The following ZNF354B variants were observed in gnomAD, a reference collection of about 807,000 sequenced individuals.
ZNF354B encodes the protein zinc finger protein 354B.
In ZNF354B, 10 loss-of-function variants were observed where a neutral mutation model predicts 12.9. That is an observed-to-expected ratio of 0.77 (90% CI 0.48 to 1.31). The LOEUF (loss-of-function observed/expected upper bound fraction) is 1.31. Among genes scored for constraint, ZNF354B ranks in the 40% most tolerant of loss-of-function variants. The pLI, the probability that ZNF354B is intolerant of heterozygous loss-of-function variation, is 0.00. For synonymous variants in ZNF354B, 260 were observed against 243.7 expected (o/e 1.07, Z -0.62); for missense variants, 614 against 711.7 (o/e 0.86, Z 1.56).
intron 3 of ZNF354B, among the ~76,000 whole-genome samples, 180 bp downstream of exon 3, chr5:178,866,550 C>G (rs941305469): frequency 1.3e-5 from 2 of 152,158 alleles, no homozygotes; most frequent in African/African-American, 4.8e-5. Context: ...TGGAATTGCT[C>G]TATGTCTTGG....
intron 4 of ZNF354B, among the ~76,000 whole-genome samples, chr5:178,880,933 C>G (rs1346618722): frequency 6.7e-6 from 1 of 148,678 alleles, no homozygotes; most frequent in Non-Finnish European, 1.5e-5. Context: ...ACCTCTGCCC[C>G]CAGGGTTCAA....
chr5:178,883,177 T>C lies in ZNF354B; in HGVS notation c.725T>C (p.Phe242Ser), dbSNP rs1292935254. Residue 242 changes from phenylalanine (F) to serine (S), a missense_variant, in exon 5 of 5, where the codon TTT becomes TCT. Phe to Ser is a radical substitution (Grantham distance 155, BLOSUM62 -2). Transcript: ENST00000322434. The stretch of plus-strand genomic sequence containing the variant: ...AAAAACCACACTGGAGAAAAATTAT[T>C]TAAATGTAAAGAATGTTTAAAAGCT... ...HQKNHTGEKLFKCKECLKAFS... is the reference protein window; with the variant it reads ...HQKNHTGEKLSKCKECLKAFS... The C allele has an allele frequency of 3.1e-6, 5 of 1,613,414 alleles. No individual in the cohort carries two copies. The highest frequency in any genetic ancestry group is 4.2e-6 in the Non-Finnish European group (5 of 1,179,878).
intron 4 of ZNF354B, among the ~76,000 whole-genome samples, chr5:178,874,874 T>A (rs979326619): frequency 1.3e-5 from 2 of 152,216 alleles, no homozygotes; most frequent in African/African-American, 4.8e-5. Context: ...TCATTAACTG[T>A]GATGTAATTT....
At chr5:178,876,895 T>G (rs1042828343) in intron 4 of ZNF354B, among the ~76,000 whole-genome samples, 2 of 151,742 alleles carry the variant, frequency 1.3e-5, no homozygotes, top group Non-Finnish European at 2.9e-5. Flanking sequence ...TTTTTTCCAT[T>G]GACTGAACCA....
At position 178,878,246 on chromosome 5, in the gene ZNF354B, A is replaced by G. The variant is rs1378014408; in HGVS notation, c.257-4463A>G. On this transcript the variant is annotated intron_variant, in intron 4 of 4. Coordinates refer to ENST00000322434, the MANE Select transcript of ZNF354B (RefSeq NM_058230.3). ...AAAATACAAAAAATTAGCCAGGCGTAGTGGCGGGCGCCTGTAGTCTCAGCT... is the reference window on the plus strand; with the variant it reads ...AAAATACAAAAAATTAGCCAGGCGTGGTGGCGGGCGCCTGTAGTCTCAGCT... Among the ~76,000 whole-genome samples, 3 of 151,894 alleles carry G rather than the reference A, an allele frequency of 2.0e-5. No homozygotes were observed. In the East Asian group the frequency reaches 5.8e-4, roughly 29 times the overall value.
chr5:178,871,331 T>C (rs560652832), intron 4 of ZNF354B, among the ~76,000 whole-genome samples: 15 of 152,188 alleles, frequency 9.9e-5, no homozygotes, highest in Non-Finnish European at 1.6e-4. Flanking sequence ...CCTGCTTTTT[T>C]CTGTCTGGGA....
intron 2 of ZNF354B, among the ~76,000 whole-genome samples, chr5:178,864,964 A>C (rs116101524): frequency 0.15 from 22,508 of 152,042 alleles, 2,025 homozygotes; most frequent in African/African-American, 0.25. Context: ...AAACAGTGAT[A>C]TATAACCTGC....
chr5:178,864,419 T>G (rs1757413559), intron 2 of ZNF354B, among the ~76,000 whole-genome samples: 1 of 152,186 alleles, frequency 6.6e-6, no homozygotes, highest in Non-Finnish European at 1.5e-5. Flanking sequence ...CATCCAGGTT[T>G]CTCTCTTATA....
At position 178,884,364 on chromosome 5, in the gene ZNF354B, A is replaced by G; in HGVS notation, c.*73A>G. 6.9e-7 allele frequency: 1 copy of G among 1,446,694 alleles called. No individual in the cohort carries two copies. Among genetic ancestry groups the G allele is most frequent in the Non-Finnish European group, 9.3e-7 (1 of 1,077,354 alleles). The allele number at this position is 1,446,694 out of a possible 1,614,324, so 89.6% of individuals were successfully genotyped here. A position where few individuals can be genotyped will look rare whatever the true frequency, so the allele number is the denominator to read the frequency against. ...TATTAAATATAATGAATATGAGAAA[A>G]CTCTTAGTTCTCATCAGATACTAAG... On this transcript the variant is annotated 3_prime_UTR_variant, in exon 5 of 5. Coordinates refer to ENST00000322434, the MANE Select transcript of ZNF354B (RefSeq NM_058230.3).
intron 4 of ZNF354B, among the ~76,000 whole-genome samples, chr5:178,876,916 T>C (rs7448445): frequency 0.21 from 31,033 of 147,596 alleles, 3,626 homozygotes; most frequent in Non-Finnish European, 0.25. Flanking sequence ...TACTTTCCTA[T>C]TTTTTTATGC....
intron 2 of ZNF354B, among the ~76,000 whole-genome samples, chr5:178,864,123 C>T (rs964086824): frequency 6.6e-6 from 1 of 152,178 alleles, no homozygotes; most frequent in Non-Finnish European, 1.5e-5. Flanking sequence ...TACAGTCATG[C>T]ACAATAGTGT....
chr5:178,865,248 C>T (rs1757429140), intron 2 of ZNF354B, among the ~76,000 whole-genome samples: 2 of 151,726 alleles, frequency 1.3e-5, no homozygotes, highest in Non-Finnish European at 2.9e-5. Context: ...TACCACTGAA[C>T]AGCTGTGTGA....
rs1377833899 is a variant in ZNF354B, at chr5:178,879,300, G to A, written c.257-3409G>A. Among the ~76,000 whole-genome samples the A allele has an allele frequency of 2.0e-5, 3 of 152,274 alleles. No individual in the cohort carries two copies. In the East Asian group the frequency reaches 5.8e-4, roughly 29 times the overall value. ...GACCTTAAGAGATCTCCCTGCCTCG[G>A]CCTCCCAAAGTGCTAGGATTACAGA... On this transcript the variant is annotated intron_variant, in intron 4 of 4. Transcript: ENST00000322434.
At chr5:178,866,405 A>C (rs111964566) in intron 3 of ZNF354B, 35 bp downstream of exon 3, 185,788 of 1,591,852 alleles carry the variant, frequency 0.12, 11,576 homozygotes, top group African/African-American at 0.26. Context: ...CAGAATTCAA[A>C]AATTGGGATA....
chr5:178,871,074 A>G (rs941136032), intron 4 of ZNF354B, among the ~76,000 whole-genome samples: 7 of 152,108 alleles, frequency 4.6e-5, no homozygotes, highest in African/African-American at 1.7e-4. Context: ...CATAACTTCC[A>G]GAATTATCTA....
At chr5:178,862,702 G>T (rs761437793) in intron 2 of ZNF354B, among the ~76,000 whole-genome samples, 1 of 152,196 alleles carries the variant, frequency 6.6e-6, no homozygotes, top group Non-Finnish European at 1.5e-5. Flanking sequence ...ACAGTGGAGT[G>T]GGAGCTGAGG....
At chr5:178,870,390 C>T (rs1193622124) in intron 4 of ZNF354B, among the ~76,000 whole-genome samples, 1 of 152,200 alleles carries the variant, frequency 6.6e-6, no homozygotes, top group Admixed American at 6.5e-5. Flanking sequence ...GATTCTTGTG[C>T]TTCAGCCTCT....
At position 178,883,315 on chromosome 5, in the gene ZNF354B, A is replaced by T; in HGVS notation, c.863A>T (p.His288Leu). 1 of 1,614,088 alleles carries T rather than the reference A, an allele frequency of 6.2e-7. No individual in the cohort carries two copies. The highest frequency in any genetic ancestry group is 8.5e-7 in the Non-Finnish European group (1 of 1,179,982). ...AFSHSASLCK[H>L]LRTHTVEKCY... ...AGCCATAGTGCATCCCTTTGTAAGC[A>T]TTTAAGGACCCATACTGTGGAGAAA... The change falls in exon 5 of 5, where the codon CAT becomes CTT. Residue 288 changes from histidine to leucine, a missense_variant. Transcript: ENST00000322434.
chr5:178,869,069 G>A (rs1430347415), intron 4 of ZNF354B, among the ~76,000 whole-genome samples: 1 of 152,158 alleles, frequency 6.6e-6, no homozygotes, highest in Non-Finnish European at 1.5e-5. Flanking sequence ...CGCGGGCCTT[G>A]TCATAGAGTT....
Sources: allele counts gnomAD v4.1 joint callset (sites outside exome capture counted in the v4.1 genomes callset), GRCh38; gene constraint gnomAD v4.1.1; transcripts MANE v1.5; gene names NCBI Gene and HGNC (gene_info 2026-07-23, HGNC 2026-07-21).